CEP112: variants seen among roughly 807,000 people sequenced by gnomAD.
CEP112 encodes the protein centrosomal protein of 112 kDa.
In CEP112, 127 loss-of-function variants were observed where a neutral mutation model predicts 153.0. The ratio of observed to expected loss-of-function variants is 0.83; its 90% CI spans 0.72 to 0.96. The LOEUF is 0.96. Ranked by LOEUF, CEP112 falls within the 40% of genes least tolerant of loss-of-function variation. CEP112 has a pLI of 0.00. For synonymous variants in CEP112, 358 were observed against 374.4 expected (o/e 0.96, Z 0.51); for missense variants, 1,089 against 1,101.2 (o/e 0.99, Z 0.16).
chr17:65,988,154 T>A (rs1025978036), intron 17 of CEP112, among the ~76,000 whole-genome samples: 1 of 152,142 alleles, frequency 6.6e-6, no homozygotes, highest in Non-Finnish European at 1.5e-5. Flanking sequence ...TCAGGACAGG[T>A]GGCACTCTGA....
intron 24 of CEP112, among the ~76,000 whole-genome samples, chr17:65,685,378 A>T (rs2047728660): frequency 6.6e-6 from 1 of 152,254 alleles, no homozygotes; most frequent in Non-Finnish European, 1.5e-5. Context: ...TAAAAAAAGC[A>T]GCTTAGGATT....
At chr17:65,833,321 C>T (rs577612986) in intron 21 of CEP112, among the ~76,000 whole-genome samples, 3 of 152,270 alleles carry the variant, frequency 2.0e-5, no homozygotes, top group East Asian at 3.9e-4. Flanking sequence ...CCTCTCACCA[C>T]TCCTATTCAC....
chr17:65,845,181 G>A (rs1038559209), intron 21 of CEP112, among the ~76,000 whole-genome samples: 2 of 152,130 alleles, frequency 1.3e-5, no homozygotes, highest in Non-Finnish European at 2.9e-5. Flanking sequence ...AGCCAGGCAT[G>A]GTGGCACAAT....
intron 21 of CEP112, among the ~76,000 whole-genome samples, chr17:65,838,235 A>G (rs2057395218): frequency 6.6e-6 from 1 of 152,210 alleles, no homozygotes; most frequent in Non-Finnish European, 1.5e-5. Flanking sequence ...AAGAGTCTCC[A>G]GTATAGACTA....
intron 2 of CEP112, among the ~76,000 whole-genome samples, chr17:66,177,647 T>C (rs118023294): frequency 0.036 from 5,461 of 152,254 alleles, 142 homozygotes; most frequent in Middle Eastern, 0.061. Flanking sequence ...AGTCACTCTG[T>C]TGTGCTGTCA....
intron 21 of CEP112, among the ~76,000 whole-genome samples, chr17:65,820,404 TAAGAA>T (rs2056474554): frequency 6.6e-6 from 1 of 152,092 alleles, no homozygotes; most frequent in African/African-American, 2.4e-5. Context: ...GTCACTGCAA[TAAGAA>T]AAGCTCCCAG....
intron 4 of CEP112, among the ~76,000 whole-genome samples, chr17:66,160,417 G>T (rs1457772228): frequency 6.6e-6 from 1 of 152,122 alleles, no homozygotes; most frequent in Non-Finnish European, 1.5e-5. Flanking sequence ...AAAGCTGGAG[G>T]CATCATGCTA....
intron 8 of CEP112, among the ~76,000 whole-genome samples, chr17:66,074,990 T>C (rs1022031877): frequency 1.3e-5 from 2 of 150,356 alleles, no homozygotes; most frequent in East Asian, 1.9e-4. Flanking sequence ...AGGAATAACA[T>C]CTTAGAAGTG....
intron 23 of CEP112, among the ~76,000 whole-genome samples, chr17:65,704,088 C>T (rs2048781674): frequency 2.0e-5 from 3 of 151,952 alleles, no homozygotes; most frequent in Admixed American, 6.6e-5. Flanking sequence ...GACGTCCTCA[C>T]AACAAGAGAC....
At chr17:65,974,580 A>C (rs1189352534) in intron 17 of CEP112, among the ~76,000 whole-genome samples, 1 of 152,256 alleles carries the variant, frequency 6.6e-6, no homozygotes, top group Non-Finnish European at 1.5e-5. Context: ...ATCACATGCA[A>C]CTGCAAATAT....
At chr17:65,650,150 T>A (rs1368443888) in intron 24 of CEP112, among the ~76,000 whole-genome samples, 1 of 152,180 alleles carries the variant, frequency 6.6e-6, no homozygotes, top group Non-Finnish European at 1.5e-5. Flanking sequence ...TTCTTGTTTT[T>A]TCTCTAATTC....
At chr17:65,725,969 A>G (rs1320374892) in intron 23 of CEP112, among the ~76,000 whole-genome samples, 3 of 152,112 alleles carry the variant, frequency 2.0e-5, no homozygotes, top group Non-Finnish European at 4.4e-5. Flanking sequence ...GTATCCAGGG[A>G]TTATATTCTT....
intron 4 of CEP112, among the ~76,000 whole-genome samples, chr17:66,168,965 A>C (rs73992258): frequency 0.058 from 8,832 of 152,102 alleles, 271 homozygotes; most frequent in East Asian, 0.073. Context: ...CTCCTCTTGG[A>C]AACTGTGAGA....
intron 6 of CEP112, among the ~76,000 whole-genome samples, chr17:66,106,104 C>T (rs2068771626): frequency 6.6e-6 from 1 of 151,400 alleles, no homozygotes; most frequent in South Asian, 2.1e-4. Context: ...TTTCTTGAAA[C>T]AAATAAAAAT....
At chr17:65,902,595 C>T (rs1598945451) in intron 19 of CEP112, among the ~76,000 whole-genome samples, 2 of 151,748 alleles carry the variant, frequency 1.3e-5, no homozygotes, top group East Asian at 1.9e-4. Context: ...AAAATTATCT[C>T]GAATGCTAGT....
In CEP112 at chr17:66,066,888, A is replaced by C. The variant is rs1367348515; in HGVS notation, c.856-11T>G. 2 of 1,479,336 alleles carry C rather than the reference A, an allele frequency of 1.4e-6. No individual in the cohort carries two copies. The highest frequency in any genetic ancestry group is 2.9e-5 in the African/African-American group (2 of 69,892). The allele number at this position is 1,479,336 out of a possible 1,614,324, so 91.6% of individuals were successfully genotyped here. A position where few individuals can be genotyped will look rare whatever the true frequency, so the allele number is the denominator to read the frequency against. ...CTTTCTTTCTAAAATCTGCAAATAA[A>C]TTTAAAATATTTCAGTATATTGTAC... is the stretch of plus-strand genomic sequence containing the variant. On this transcript the variant is annotated splice_polypyrimidine_tract_variant and intron_variant, in intron 9 of 26. Transcript: ENST00000535342.
intron 8 of CEP112, among the ~76,000 whole-genome samples, chr17:66,083,222 T>G (rs779907751): frequency 2.0e-5 from 3 of 152,104 alleles, no homozygotes; most frequent in Non-Finnish European, 4.4e-5. Flanking sequence ...ATAAGTCTCA[T>G]GAGATCTGAT....
At chr17:65,860,538 A>C (rs2058280325) in intron 20 of CEP112, among the ~76,000 whole-genome samples, 1 of 152,238 alleles carries the variant, frequency 6.6e-6, no homozygotes, top group African/African-American at 2.4e-5. Flanking sequence ...GTATAGTCTT[A>C]TCATAGAGAA....
intron 8 of CEP112, among the ~76,000 whole-genome samples, chr17:66,076,617 A>G (rs1386600998): frequency 2.6e-5 from 4 of 152,046 alleles, no homozygotes; most frequent in Non-Finnish European, 5.9e-5. Flanking sequence ...GGCCTTCCCT[A>G]TCCACACTGG....
Sources: gnomAD v4.1 joint callset for allele counts (sites outside exome capture counted in the v4.1 genomes callset) on GRCh38, gnomAD v4.1.1 for gene constraint, MANE v1.5 for transcripts, NCBI Gene and HGNC (gene_info 2026-07-23, HGNC 2026-07-21) for gene names.